The following RPS6KC1 variants were observed in gnomAD, a reference collection of about 807,000 sequenced individuals.
RPS6KC1 encodes ribosomal protein S6 kinase C1.
RPS6KC1 carries 54 observed loss-of-function variants against 103.8 expected under a neutral mutation model. That is an observed-to-expected ratio of 0.52 (90% CI 0.42 to 0.65). RPS6KC1 has a LOEUF of 0.65. Among genes scored for constraint, RPS6KC1 ranks in the 30% least tolerant of loss-of-function variants. The probability of loss-of-function intolerance (pLI) is 0.00; values close to 1 mark genes in which losing one functional copy is unlikely to be tolerated. For synonymous variants in RPS6KC1, 439 were observed against 438.7 expected, an observed-to-expected ratio of 1.00 and a Z score of -0.01; for missense variants, 1,151 against 1,253.8, an observed-to-expected ratio of 0.92 and a Z score of 1.24.
At chr1:213,583,421 A>T in the RPS6KC1 span, among the ~76,000 whole-genome samples, 36 of 152,294 alleles carry the variant, frequency 2.4e-4, no homozygotes, top group African/African-American at 8.2e-4. Flanking sequence ...AGCTCTACAG[A>T]TTGGGAGTCT....
chr1:213,387,769 A>G, the RPS6KC1 span, among the ~76,000 whole-genome samples: 1 of 152,224 alleles, frequency 6.6e-6, no homozygotes, highest in Non-Finnish European at 1.5e-5. Flanking sequence ...GACCTAGGCA[A>G]TTATCTGACT....
chr1:213,666,406 C>A, the RPS6KC1 span, among the ~76,000 whole-genome samples: 2 of 152,294 alleles, frequency 1.3e-5, no homozygotes, highest in Admixed American at 6.5e-5. Flanking sequence ...TCCCGCAGTG[C>A]AAAAGTATCC....
the RPS6KC1 span, among the ~76,000 whole-genome samples, chr1:213,558,138 C>T: frequency 4.6e-5 from 7 of 152,214 alleles, no homozygotes; most frequent in African/African-American, 1.7e-4. Flanking sequence ...TTTACAGAGG[C>T]TTTTCTTCCA....
chr1:213,828,610 T>G, the RPS6KC1 span, among the ~76,000 whole-genome samples: 1 of 152,238 alleles, frequency 6.6e-6, no homozygotes, highest in African/African-American at 2.4e-5. Context: ...AATCCTTTCC[T>G]GGCTACGTGG....
chr1:213,806,179 A>G, the RPS6KC1 span, among the ~76,000 whole-genome samples: 1 of 152,108 alleles, frequency 6.6e-6, no homozygotes, highest in Non-Finnish European at 1.5e-5. Context: ...AAAAATACGA[A>G]AAATTAGCCA....
At chr1:213,700,785 T>G in the RPS6KC1 span, among the ~76,000 whole-genome samples, 1 of 152,076 alleles carries the variant, frequency 6.6e-6, no homozygotes, top group Admixed American at 6.5e-5. Context: ...CTGGTTAAGT[T>G]AATTCCTATG....
the RPS6KC1 span, among the ~76,000 whole-genome samples, chr1:213,762,257 C>A: frequency 2.0e-5 from 3 of 152,198 alleles, no homozygotes; most frequent in African/African-American, 7.2e-5. Context: ...CAGATCAAGC[C>A]TTCCTGACAA....
downstream of RPS6KC1, among the ~76,000 whole-genome samples, chr1:213,278,807 A>G (rs893404936): frequency 6.6e-6 from 1 of 152,236 alleles, no homozygotes; most frequent in African/African-American, 2.4e-5. Context: ...CAAAGGAGAG[A>G]TCTGAGGAGC....
the RPS6KC1 span, among the ~76,000 whole-genome samples, chr1:213,742,203 C>T: frequency 2.0e-5 from 3 of 152,154 alleles, no homozygotes; most frequent in Non-Finnish European, 2.9e-5. Flanking sequence ...TTTGCTCTTA[C>T]CCTGCACAGC....
At chr1:213,376,523 TAA>T in the RPS6KC1 span, among the ~76,000 whole-genome samples, 1 of 145,172 alleles carries the variant, frequency 6.9e-6, no homozygotes, top group Admixed American at 6.9e-5. Flanking sequence ...TATTGAGAAT[TAA>T]AAAAAAAAAA....
intron 6 of RPS6KC1, among the ~76,000 whole-genome samples, chr1:213,163,752 A>G (rs903068049): frequency 4.6e-5 from 7 of 152,172 alleles, no homozygotes; most frequent in South Asian, 2.1e-4. Flanking sequence ...AAGATGTTCA[A>G]GAGACCAGTT....
the RPS6KC1 span, among the ~76,000 whole-genome samples, chr1:213,457,320 T>C: frequency 6.6e-6 from 1 of 152,212 alleles, no homozygotes; most frequent in Non-Finnish European, 1.5e-5. Flanking sequence ...CTGACCGTGC[T>C]CTCTGGGGAT....
At chr1:213,267,125 C>A (rs902561870) in intron 14 of RPS6KC1, among the ~76,000 whole-genome samples, 2 of 151,530 alleles carry the variant, frequency 1.3e-5, no homozygotes, top group African/African-American at 4.8e-5. Context: ...AAAGTAAAAG[C>A]CAGGGCAGAT....
the RPS6KC1 span, among the ~76,000 whole-genome samples, chr1:213,530,948 T>C: frequency 6.6e-6 from 1 of 152,226 alleles, no homozygotes; most frequent in Non-Finnish European, 1.5e-5. Flanking sequence ...AGGAATGTCT[T>C]GTGTATACAG....
At chr1:213,295,981 A>T in the RPS6KC1 span, among the ~76,000 whole-genome samples, 1 of 152,212 alleles carries the variant, frequency 6.6e-6, no homozygotes, top group South Asian at 2.1e-4. Context: ...CCTTAAAGGA[A>T]GCAATTTTAG....
chr1:213,509,430 A>G, the RPS6KC1 span, among the ~76,000 whole-genome samples: 1 of 152,172 alleles, frequency 6.6e-6, no homozygotes, highest in East Asian at 1.9e-4. Context: ...ATTTGTACAT[A>G]TTAAATTAGT....
chr1:213,741,318 T>A, the RPS6KC1 span, among the ~76,000 whole-genome samples: 1 of 152,116 alleles, frequency 6.6e-6, no homozygotes, highest in African/African-American at 2.4e-5. Context: ...ATAATTATAG[T>A]CACCAGAAGC....
chr1:213,460,632 G>A, the RPS6KC1 span, among the ~76,000 whole-genome samples: 1 of 152,104 alleles, frequency 6.6e-6, no homozygotes, highest in Non-Finnish European at 1.5e-5. Flanking sequence ...CTGTCATTAT[G>A]ATGCTAGCTG....
chr1:213,667,349 T>C, the RPS6KC1 span, among the ~76,000 whole-genome samples: 1 of 152,244 alleles, frequency 6.6e-6, no homozygotes, highest in African/African-American at 2.4e-5. Context: ...AAGTGAAGCA[T>C]GCACATTTTT....
Sources: allele counts gnomAD v4.1 joint callset (sites outside exome capture counted in the v4.1 genomes callset), GRCh38; gene constraint gnomAD v4.1.1; transcripts MANE v1.5; gene names NCBI Gene and HGNC (gene_info 2026-07-23, HGNC 2026-07-21).